MSH4: variants seen among roughly 807,000 people sequenced by gnomAD.
MSH4 encodes mutS homolog 4.
Under a neutral mutation model 113.7 loss-of-function variants are expected in MSH4, and 106 were observed. That is an observed-to-expected ratio of 0.93 (90% CI 0.80 to 1.10). The LOEUF is 1.10. Ranked by LOEUF, MSH4 falls within the 50% of genes least tolerant of loss-of-function variation. The pLI, the probability that MSH4 is intolerant of heterozygous loss-of-function variation, is 0.00. For synonymous variants in MSH4, 368 were observed against 380.2 expected (o/e 0.97, Z 0.37); for missense variants, 1,061 against 1,093.7 (o/e 0.97, Z 0.42).
chr1:75,814,800 A>G (rs1035565519), intron 4 of MSH4, among the ~76,000 whole-genome samples: 5 of 152,166 alleles, frequency 3.3e-5, no homozygotes, highest in Admixed American at 6.5e-5. Flanking sequence ...TATTCCATTA[A>G]ATCTCATAAG....
At chr1:75,824,325 T>G (rs1382499276) in intron 7 of MSH4, among the ~76,000 whole-genome samples, 4 of 152,186 alleles carry the variant, frequency 2.6e-5, no homozygotes, top group Non-Finnish European at 5.9e-5. Flanking sequence ...ATGGGGTTGT[T>G]TTTTTCTTGT....
At chr1:75,831,341 G>C (rs1224454619) in intron 7 of MSH4, among the ~76,000 whole-genome samples, 2 of 152,050 alleles carry the variant, frequency 1.3e-5, no homozygotes, top group Admixed American at 1.3e-4. Context: ...ATAATAGTCG[G>C]AGACTTTAAT....
chr1:75,887,978 A>G (rs1652163766), intron 15 of MSH4, among the ~76,000 whole-genome samples: 1 of 151,312 alleles, frequency 6.6e-6, no homozygotes, highest in Non-Finnish European at 1.5e-5. Flanking sequence ...TGGGGGAGAT[A>G]CATCTTTCTA....
chr1:75,840,163 T>G (rs5745386), intron 7 of MSH4, among the ~76,000 whole-genome samples: 36,645 of 148,970 alleles, frequency 0.25, 5,375 homozygotes, highest in East Asian at 0.66. Flanking sequence ...GCCATCCCAT[T>G]ACTGGGTATA....
At chr1:75,843,442 G>T (rs1340098150) in intron 7 of MSH4, among the ~76,000 whole-genome samples, 2 of 152,172 alleles carry the variant, frequency 1.3e-5, no homozygotes, top group Non-Finnish European at 2.9e-5. Context: ...ATTCCCACAA[G>T]AGACTTTGCA....
intron 19 of MSH4, among the ~76,000 whole-genome samples, chr1:75,903,710 AT>A (rs569616486): frequency 6.6e-6 from 1 of 151,884 alleles, no homozygotes; most frequent in East Asian, 1.9e-4. Context: ...TTCTTCTTGT[AT>A]TTTTTTCAGT....
At chr1:75,864,958 G>C (rs1390643678) in intron 8 of MSH4, among the ~76,000 whole-genome samples, 1 of 152,098 alleles carries the variant, frequency 6.6e-6, no homozygotes, top group African/African-American at 2.4e-5. Context: ...CCTGGCAACA[G>C]CTCTTAACCA....
Position 75,880,123 on chromosome 1 carries a change from C to A in MSH4, c.1751C>A (p.Ser584Tyr). ...LIKMNERCQE[S>Y]LREIYHMTYM... is the part of the protein sequence containing the mutation. The stretch of plus-strand genomic sequence containing the variant: ...AAAATGAATGAAAGATGCCAAGAAT[C>A]TTTGAGAGAAATCTATCACATGACT... The change falls in exon 13 of 20, where the codon TCT (serine) becomes TAT (tyrosine). Residue 584 changes from serine to tyrosine, a missense_variant. Transcript: ENST00000263187. 1 of 1,586,894 alleles carries A rather than the reference C, an allele frequency of 6.3e-7. No individual in the cohort carries two copies. Among genetic ancestry groups the A allele is most frequent in the Non-Finnish European group, 8.6e-7 (1 of 1,160,900 alleles).
In MSH4 at chr1:75,815,473, A is replaced by G. The variant is rs5745375; in HGVS notation, c.815+337A>G. 2.9e-3 allele frequency among the ~76,000 whole-genome samples: 441 copies of G among 152,328 alleles called. 1 individual carries two copies. The highest frequency in any genetic ancestry group is 0.01 in the African/African-American group (426 of 41,580). ...TTTGGAGTGAAAAGCTCAAGTAGCT[A>G]CAGTAAACTGGAAATGTGAGGGCAT... On this transcript the variant is annotated intron_variant, in intron 5 of 19. Transcript: ENST00000263187.
At chr1:75,886,061 G>A (rs1282943405) in intron 15 of MSH4, among the ~76,000 whole-genome samples, 2 of 55,912 alleles carry the variant, frequency 3.6e-5, no homozygotes, top group African/African-American at 8.7e-5. Flanking sequence ...ATTATATATA[G>A]CATGTATAGT....
intron 19 of MSH4, among the ~76,000 whole-genome samples, chr1:75,905,002 ATTTG>A (rs1389780621): frequency 6.6e-6 from 1 of 151,598 alleles, no homozygotes; most frequent in East Asian, 1.9e-4. Context: ...TCTAGTAAAG[ATTTG>A]TTTGTCTTTT....
intron 1 of MSH4, among the ~76,000 whole-genome samples, chr1:75,797,433 G>T (rs1649841996): frequency 1.3e-5 from 2 of 152,160 alleles, no homozygotes; most frequent in African/African-American, 4.8e-5. Context: ...CCTTGACTGT[G>T]GATGGCTCAG....
intron 8 of MSH4, among the ~76,000 whole-genome samples, chr1:75,867,011 T>C (rs1008798786): frequency 1.8e-4 from 27 of 152,184 alleles, no homozygotes; most frequent in Non-Finnish European, 1.6e-4. Context: ...AAATTTGGAA[T>C]GTTGATATTG....
chr1:75,883,590 CT>C (rs1204214237), intron 14 of MSH4, 30 bp from the exon 15 acceptor site: 1 of 1,551,710 alleles, frequency 6.4e-7, no homozygotes. Flanking sequence ...ATATATTAAT[CT>C]TTAAAAACCA....
At chr1:75,818,977 A>G (rs981534797) in intron 6 of MSH4, among the ~76,000 whole-genome samples, 1 of 151,950 alleles carries the variant, frequency 6.6e-6, no homozygotes, top group Non-Finnish European at 1.5e-5. Context: ...TGTGTTAGCC[A>G]GGACGGTCTC....
chr1:75,864,222 A>T (rs974622512), intron 8 of MSH4, among the ~76,000 whole-genome samples: 2 of 152,152 alleles, frequency 1.3e-5, no homozygotes, highest in Admixed American at 1.3e-4. Context: ...CTGCTATATG[A>T]TATTCCACTG....
chr1:75,798,040 T>C (rs1197038357), intron 1 of MSH4, among the ~76,000 whole-genome samples: 1 of 152,238 alleles, frequency 6.6e-6, no homozygotes, highest in Non-Finnish European at 1.5e-5. Flanking sequence ...CACACACGAT[T>C]GCAACACAAT....
intron 17 of MSH4, among the ~76,000 whole-genome samples, chr1:75,896,511 G>C (rs5745529): frequency 0.014 from 2,132 of 151,654 alleles, 49 homozygotes; most frequent in African/African-American, 0.048. Context: ...GCAGTGGCAT[G>C]ATCTCAGCTC....
rs533586948 is a variant in MSH4 at position 75,858,774 on chromosome 1, G to T, written c.1231-8740G>T. 8.0e-4 allele frequency among the ~76,000 whole-genome samples: 122 copies of T among 152,234 alleles called. 2 individuals carry two copies. In the South Asian group the frequency reaches 8.9e-3, roughly 11 times the overall value. The stretch of plus-strand genomic sequence containing the variant: ...AGGATTTGGTATCAGGATGATGCTG[G>T]CCTCATAAAATGAGTTAAAGAGAAT... On this transcript the variant is annotated intron_variant, in intron 8 of 19. Transcript: ENST00000263187.
Sources: allele counts gnomAD v4.1 joint callset (sites outside exome capture counted in the v4.1 genomes callset), GRCh38; gene constraint gnomAD v4.1.1; transcripts MANE v1.5; gene names NCBI Gene and HGNC (gene_info 2026-07-23, HGNC 2026-07-21).